Variants in LIFR observed in about 807,000 individuals in gnomAD.
LIFR encodes the protein leukemia inhibitory factor receptor.
A neutral mutation model predicts 122.2 loss-of-function variants in LIFR; 84 were observed. That is an observed-to-expected ratio of 0.69 (90% CI 0.58 to 0.82). LIFR has a LOEUF of 0.82. Among genes scored for constraint, LIFR ranks in the 40% least tolerant of loss-of-function variants. The probability of loss-of-function intolerance (pLI) is 0.00; values close to 1 mark genes in which losing one functional copy is unlikely to be tolerated. For missense variants in LIFR, 1,294 were observed against 1,311.6 expected (o/e 0.99, Z 0.21); for synonymous variants, 422 against 434.7 (o/e 0.97, Z 0.36).
At chr5:38,566,836 C>A (rs1199858975) in intron 1 of LIFR, among the ~76,000 whole-genome samples, 1 of 152,006 alleles carries the variant, frequency 6.6e-6, no homozygotes. Flanking sequence ...ACAAGTGATT[C>A]ATTGGTAAGT....
chr5:38,545,380 A>G (rs964851870), intron 1 of LIFR, among the ~76,000 whole-genome samples: 1 of 152,106 alleles, frequency 6.6e-6, no homozygotes, highest in African/African-American at 2.4e-5. Flanking sequence ...GTGTGTGTGT[A>G]TACACATATA....
rs3079294 is a variant in LIFR at position 38,578,207 on chromosome 5, CTT to C, written c.-20+17052_-20+17053del. On this transcript the variant is annotated intron_variant, in intron 1 of 19. Coordinates refer to the LIFR transcript ENST00000263409. The stretch of plus-strand genomic sequence containing the variant: ...TTTCTTTTCTTTTCTTTTTCTTTTT[CTT>C]TTTTTTTTTTTTTTGAGACAGAGTT... 2.9e-3 allele frequency among the ~76,000 whole-genome samples: 359 copies of C among 123,450 alleles called. 1 individual carries two copies. The highest frequency in any genetic ancestry group is 9.8e-3 in the African/African-American group (327 of 33,472). The allele number at this position is 123,450 out of a possible 152,430, so 81.0% of individuals were successfully genotyped here. A position where few individuals can be genotyped will look rare whatever the true frequency, so the allele number is the denominator to read the frequency against.
chr5:38,499,447 T>C lies in LIFR; in HGVS notation c.1671+66A>G, dbSNP rs1745059749. 19 of 1,080,124 alleles carry C rather than the reference T, an allele frequency of 1.8e-5. 1 individual carries two copies. In the South Asian group the frequency reaches 2.0e-4, roughly 11 times the overall value. 66.9% of individuals were successfully genotyped at this position (1,080,124 alleles called of 1,614,324 possible). On this transcript the variant is annotated intron_variant, in intron 12 of 19. Transcript: ENST00000453190. ...AGTTTCAGCTCCTTGATAACCCAAG[T>C]ACCATGCGTAAGTTAAGCAGTTTAG...
intron 1 of LIFR, among the ~76,000 whole-genome samples, chr5:38,544,416 C>T (rs368232518): frequency 6.6e-5 from 10 of 152,262 alleles, no homozygotes; most frequent in African/African-American, 2.4e-4. Flanking sequence ...CCATTCCTCA[C>T]ATGCACCAAG....
chr5:38,558,586 C>A (rs1215722836), upstream of LIFR: 4 of 152,144 alleles, frequency 2.6e-5, no homozygotes, highest in African/African-American at 9.7e-5. Flanking sequence ...TCCGTTCTCA[C>A]ACTGCTATAA....
In LIFR at chr5:38,505,944, G is replaced by A. The variant is rs765622323; in HGVS notation, c.1252C>T (p.Arg418Ter). 8.1e-6 allele frequency: 13 copies of A among 1,606,818 alleles called. No individual in the cohort carries two copies. The highest frequency in any genetic ancestry group is 2.2e-5 in the East Asian group (1 of 44,632). The part of the protein sequence containing the change: ...FTLNAHNPLG[R>*]SQSTILVNIT... ...TTAACTAAAATTGTTGATTGTGATCGACCCAGCGGATTGTGAGCATTCAAA... is the reference window on the plus strand; with the variant it reads ...TTAACTAAAATTGTTGATTGTGATCAACCCAGCGGATTGTGAGCATTCAAA... The change falls in exon 9 of 20, where the codon CGA (arginine) becomes TGA (stop). Residue 418 changes from arginine (R) to a stop codon, truncating the protein, a stop_gained. Transcript: ENST00000453190. LOFTEE classifies it high-confidence loss of function.
intron 11 of LIFR, among the ~76,000 whole-genome samples, chr5:38,501,875 A>T (rs1745199165): frequency 6.6e-6 from 1 of 151,886 alleles, no homozygotes; most frequent in Admixed American, 6.6e-5. Context: ...TTTTATACCT[A>T]ACTTGACCTG....
intron 5 of LIFR, among the ~76,000 whole-genome samples, chr5:38,517,573 T>C (rs921504525): frequency 7.2e-5 from 11 of 152,016 alleles, no homozygotes; most frequent in Non-Finnish European, 1.5e-5. Flanking sequence ...AGATGGGCTT[T>C]AAGGCTGGGC....
At chr5:38,595,705 A>G (rs1750076131), upstream of LIFR, among the ~76,000 whole-genome samples, 1 of 150,512 alleles carries the variant, frequency 6.6e-6, no homozygotes, top group Non-Finnish European at 1.5e-5. Flanking sequence ...GTATTAGAGT[A>G]ATCCTGAAAA....
intron 1 of LIFR, among the ~76,000 whole-genome samples, chr5:38,534,974 T>G (rs1276314749): frequency 1.3e-5 from 2 of 152,142 alleles, no homozygotes; most frequent in African/African-American, 4.8e-5. Flanking sequence ...AACTGTTGAG[T>G]GGATAACATA....
intron 1 of LIFR, among the ~76,000 whole-genome samples, chr5:38,587,129 C>T (rs1232383266): frequency 6.6e-6 from 1 of 152,018 alleles, no homozygotes; most frequent in African/African-American, 2.4e-5. Flanking sequence ...CCTGGGAATA[C>T]AGTACTGAAA....
At chr5:38,490,030 G>A (rs1165450010) in intron 15 of LIFR, among the ~76,000 whole-genome samples, 160 bp downstream of exon 15, 1 of 148,578 alleles carries the variant, frequency 6.7e-6, no homozygotes, top group Non-Finnish European at 1.5e-5. Context: ...AAGAGGAGGA[G>A]GAGAAAAAAG....
chr5:38,515,664 C>T (rs565184829), intron 5 of LIFR, among the ~76,000 whole-genome samples: 1 of 151,318 alleles, frequency 6.6e-6, no homozygotes, highest in South Asian at 2.1e-4. Context: ...GAGGGGGTTG[C>T]TATCAAGAAA....
chr5:38,489,711 G>C (rs1744470499), intron 15 of LIFR, among the ~76,000 whole-genome samples: 1 of 152,022 alleles, frequency 6.6e-6, no homozygotes, highest in Admixed American at 6.5e-5. Context: ...AGAGTAAGCA[G>C]GCCCAGTGCA....
upstream of LIFR, among the ~76,000 whole-genome samples, chr5:38,598,962 T>C (rs1032845387): frequency 6.6e-6 from 1 of 152,204 alleles, no homozygotes; most frequent in Non-Finnish European, 1.5e-5. Flanking sequence ...GAGATAGCTA[T>C]GATTATCCTT....
chr5:38,489,710 A>G (rs924362399), intron 15 of LIFR, among the ~76,000 whole-genome samples: 1 of 152,022 alleles, frequency 6.6e-6, no homozygotes, highest in African/African-American at 2.4e-5. Context: ...CAGAGTAAGC[A>G]GGCCCAGTGC....
intron 2 of LIFR, 25 bp from the exon 3 acceptor site, chr5:38,528,865 CACACACACACACAGACACACAT>C (rs1186334133): frequency 7.9e-6 from 8 of 1,016,438 alleles, no homozygotes; most frequent in African/African-American, 1.6e-5. Context: ...CACACACACA[CACACACACACACAGACACACAT>C]AAACACAGAA....
At chr5:38,550,298 G>GAA in intron 1 of LIFR, 55 of 832,594 alleles carry the variant, frequency 6.6e-5, no homozygotes, top group Middle Eastern at 6.0e-4. Flanking sequence ...AAGCACAACT[G>GAA]AAAAAAAAAC....
chr5:38,547,197 CTT>C (rs1307070796), intron 1 of LIFR, among the ~76,000 whole-genome samples: 1 of 152,154 alleles, frequency 6.6e-6, no homozygotes, highest in Non-Finnish European at 1.5e-5. Flanking sequence ...ACCTGCAAGT[CTT>C]GTCACCTCCA....
Sources: gnomAD v4.1 joint callset for allele counts (sites outside exome capture counted in the v4.1 genomes callset) on GRCh38, gnomAD v4.1.1 for gene constraint, MANE v1.5 for transcripts, NCBI Gene and HGNC (gene_info 2026-07-23, HGNC 2026-07-21) for gene names.